Variants in AR observed in about 807,000 individuals in gnomAD.
AR encodes dihydrotestosterone receptor.
Under a neutral mutation model 53.9 loss-of-function variants are expected in AR, and 8 were observed. That is an observed-to-expected ratio of 0.15 (90% CI 0.09 to 0.27). The LOEUF is 0.27. AR is among the 10% of genes least tolerant of loss of function. AR has a pLI of 1.00. For missense variants in AR, 639 were observed against 742.5 expected, an observed-to-expected ratio of 0.86 and a Z score of 1.62; for synonymous variants, 359 against 316.4, an observed-to-expected ratio of 1.13 and a Z score of -1.43.
chrX:67,643,553 A>G (rs1224232889), intron 2 of AR, 146 bp downstream of exon 2: 1 of 861,756 alleles, frequency 1.2e-6, no homozygotes, highest in African/African-American at 2.0e-5. Flanking sequence ...AGCCTAAGGA[A>G]GCAAATTTTT....
chrX:67,632,617 G>C (rs1007554467), intron 1 of AR, among the ~76,000 whole-genome samples: 61 of 111,972 alleles, frequency 5.4e-4, no homozygotes, highest in African/African-American at 1.9e-3. Context: ...CGCTCATGCT[G>C]GGAGCTGTAG....
Position 67,545,562 on chromosome X carries a change from T to C in AR, c.416T>C (p.Val139Ala), listed in dbSNP as rs1334672307. Reference sequence around the variant, plus strand: ...TGCGTCCCAGAGCCTGGAGCCGCCGTGGCCGCCAGCAAGGGGCTGCCGCAG... The same window carrying C: ...TGCGTCCCAGAGCCTGGAGCCGCCGCGGCCGCCAGCAAGGGGCTGCCGCAG... ...RGCVPEPGAA[V>A]AASKGLPQQL... The change falls in exon 1 of 8, where the codon GTG becomes GCG. Residue 139 changes from valine to alanine, a missense_variant. Transcript: ENST00000374690. 8.5e-7 allele frequency: 1 copy of C among 1,182,496 alleles called. No individual in the cohort carries two copies.
Position 67,730,279 on chromosome X carries a change from A to ACTT in AR, c.*6439_*6441dup, listed in dbSNP as rs1041083429. Reference sequence around the variant, plus strand: ...GATGGGGCTCATTTCTCACGGTGGCACTTGGCCTCCACTGGGCAGCAGGAC... The same window carrying ACTT: ...GATGGGGCTCATTTCTCACGGTGGCACTTCTTGGCCTCCACTGGGCAGCAGGAC... On this transcript the variant is annotated 3_prime_UTR_variant, in exon 8 of 8. Transcript: ENST00000374690. 2.9e-5 allele frequency: 5 copies of ACTT among 174,327 alleles called. No individual in the cohort carries two copies. The highest frequency in any genetic ancestry group is 1.5e-4 in the African/African-American group (5 of 34,007). The allele number at this position is 174,327 out of a possible 1,213,427, so 14.4% of individuals were successfully genotyped here.
At chrX:67,617,214 A>C (rs1176035031) in intron 1 of AR, among the ~76,000 whole-genome samples, 1 of 111,640 alleles carries the variant, frequency 9.0e-6, no homozygotes, top group African/African-American at 3.3e-5. Flanking sequence ...AGACGATTAA[A>C]TAAGATGCTG....
intron 1 of AR, among the ~76,000 whole-genome samples, chrX:67,600,551 T>G (rs1421189045): frequency 9.0e-6 from 1 of 110,601 alleles, no homozygotes; most frequent in East Asian, 2.8e-4. Flanking sequence ...CTAGAAAGGA[T>G]AGTTGGTGGG....
At chrX:67,547,162 C>T (rs1929799414) in intron 1 of AR, among the ~76,000 whole-genome samples, 1 of 111,719 alleles carries the variant, frequency 9.0e-6, no homozygotes, top group African/African-American at 3.3e-5. Context: ...GGCAATTTCT[C>T]CTCTTCAGGT....
In AR at chrX:67,544,823, A is replaced by C. The variant is rs1159773045; in HGVS notation, c.-324A>C. The stretch of plus-strand genomic sequence containing the variant: ...CTTATTTGCACCTACTTCAGTGGAC[A>C]CTGAATTTGGAAGGTGGAGGATTTT... On this transcript the variant is annotated 5_prime_UTR_variant, in exon 1 of 8. Transcript: ENST00000374690. The C allele has an allele frequency of 4.8e-5, 11 of 230,634 alleles. No homozygotes were observed. In the East Asian group the frequency reaches 7.2e-4, roughly 15 times the overall value. The allele number at this position is 230,634 out of a possible 1,213,427, so 19.0% of individuals were successfully genotyped here. A position where few individuals can be genotyped will look rare whatever the true frequency, so the allele number is the denominator to read the frequency against.
At chrX:67,669,973 A>G (rs1374355235) in intron 2 of AR, among the ~76,000 whole-genome samples, 1 of 104,853 alleles carries the variant, frequency 9.5e-6, no homozygotes, top group Non-Finnish European at 2.0e-5. Flanking sequence ...AATAAAAATT[A>G]TTATTTTAAA....
In AR at chrX:67,712,982, TTGGCCTATA is replaced by T. The variant is rs758573849; in HGVS notation, c.2173+1294_2173+1302del. Among the ~76,000 whole-genome samples the T allele has an allele frequency of 7.2e-3, 810 of 111,880 alleles. 5 individuals are homozygous for T. Among genetic ancestry groups the T allele is most frequent in the Non-Finnish European group, 0.011 (586 of 53,176 alleles). ...TAGGGAAGCTGTGAGAATGATGTGA[TTGGCCTATA>T]GTTACATAGTCAGAAAATAGCAGGA... On this transcript the variant is annotated intron_variant, in intron 4 of 7. Coordinates refer to ENST00000374690, the MANE Select transcript of AR (RefSeq NM_000044.6).
intron 1 of AR, among the ~76,000 whole-genome samples, chrX:67,639,344 AT>A (rs1925622882): frequency 8.9e-6 from 1 of 111,782 alleles, no homozygotes; most frequent in Non-Finnish European, 1.9e-5. Context: ...TTTTTTTATA[AT>A]TCTGCGAAGA....
intron 1 of AR, among the ~76,000 whole-genome samples, chrX:67,629,642 T>C (rs1461545726): frequency 2.7e-5 from 3 of 110,407 alleles, no homozygotes; most frequent in Non-Finnish European, 5.7e-5. Flanking sequence ...TTTCCTTTAG[T>C]TCTGCTCTGA....
chrX:67,562,262 C>G (rs1165699462), intron 1 of AR, among the ~76,000 whole-genome samples: 1 of 109,491 alleles, frequency 9.1e-6, no homozygotes. Context: ...ATGTGCCCAG[C>G]CTGAAAGATA....
At chrX:67,710,845 A>G (rs944374522) in intron 3 of AR, among the ~76,000 whole-genome samples, 1 of 111,765 alleles carries the variant, frequency 8.9e-6, no homozygotes, top group Non-Finnish European at 1.9e-5. Context: ...TCTATCAAAT[A>G]CTATCTTCCA....
chrX:67,619,706 G>A (rs952682519), intron 1 of AR, among the ~76,000 whole-genome samples: 2 of 111,240 alleles, frequency 1.8e-5, no homozygotes, highest in Non-Finnish European at 3.8e-5. Flanking sequence ...TGAGGTTAAA[G>A]TATGTAGAGT....
In AR at chrX:67,581,890, G is replaced by A. The variant is rs192724339; in HGVS notation, c.1616+35128G>A. On this transcript the variant is annotated intron_variant, in intron 1 of 7. Transcript: ENST00000374690. ...TTACAAGACTCTAGGAAGGGAGAAT[G>A]TGAAGGATACAGTTCTCAGTTACTG... Among the ~76,000 whole-genome samples the A allele has an allele frequency of 3.4e-4, 38 of 111,448 alleles. No individual in the cohort carries two copies. In the East Asian group the frequency reaches 5.1e-3, roughly 15 times the overall value.
At position 67,728,244 on chromosome X, in the gene AR, G is replaced by A. The variant is rs2076165872; in HGVS notation, c.*4403G>A. 6.1e-6 allele frequency: 1 copy of A among 164,690 alleles called. No homozygotes were observed. The highest frequency in any genetic ancestry group is 1.1e-5 in the Non-Finnish European group (1 of 87,040). 13.6% of individuals were successfully genotyped at this position (164,690 alleles called of 1,213,427 possible). On this transcript the variant is annotated 3_prime_UTR_variant, in exon 8 of 8. Coordinates refer to ENST00000374690, the MANE Select transcript of AR (RefSeq NM_000044.6). ...AATAATTTCGGGAAAATGGGATTAT[G>A]GGTCCTTCACTAAGTGATTTTATAA...
intron 2 of AR, among the ~76,000 whole-genome samples, chrX:67,685,139 T>C (rs1182864251): frequency 1.8e-5 from 2 of 111,921 alleles, no homozygotes; most frequent in Admixed American, 1.9e-4. Context: ...TGCCTATTCC[T>C]GCTGGTGACT....
chrX:67,591,312 G>T (rs778676649), intron 1 of AR, among the ~76,000 whole-genome samples: 1 of 109,715 alleles, frequency 9.1e-6, no homozygotes, highest in Non-Finnish European at 1.9e-5. Flanking sequence ...AATATATATC[G>T]CTGTAAGGTT....
At chrX:67,675,020 C>T (rs2147482705) in intron 2 of AR, among the ~76,000 whole-genome samples, 1 of 110,705 alleles carries the variant, frequency 9.0e-6, no homozygotes, top group South Asian at 3.9e-4. Context: ...ATGAATCCTG[C>T]CAGTACTGAT....
Sources: gnomAD v4.1 joint callset for allele counts (sites outside exome capture counted in the v4.1 genomes callset) on GRCh38, gnomAD v4.1.1 for gene constraint, MANE v1.5 for transcripts, NCBI Gene and HGNC (gene_info 2026-07-23, HGNC 2026-07-21) for gene names.